SPATS2: variants seen among roughly 807,000 people sequenced by gnomAD.
SPATS2 encodes the protein spermatogenesis associated serine rich 2, also known as spermatogenesis-associated serine-rich protein 2.
In SPATS2, 38 loss-of-function variants were observed where a neutral mutation model predicts 63.7. The observed-to-expected ratio is 0.60, with a 90% confidence interval of 0.46 to 0.78. The LOEUF (loss-of-function observed/expected upper bound fraction) is 0.78, where lower values mean the gene tolerates loss of function less well. SPATS2 is among the 30% of genes least tolerant of loss of function. SPATS2 has a pLI of 0.00. For missense variants in SPATS2, 588 were observed against 666.2 expected, an observed-to-expected ratio of 0.88 and a Z score of 1.29; for synonymous variants, 207 against 232.9, an observed-to-expected ratio of 0.89 and a Z score of 1.01.
In SPATS2 at chr12:49,494,722, A is replaced by G. The variant is rs1411387073; in HGVS notation, c.265-19A>G. 1 of 1,488,380 alleles carries G rather than the reference A, an allele frequency of 6.7e-7. No homozygotes were observed. Among genetic ancestry groups the G allele is most frequent in the Non-Finnish European group, 8.9e-7 (1 of 1,119,930 alleles). 92.2% of individuals were successfully genotyped at this position (1,488,380 alleles called of 1,614,324 possible). ...TTTTCTTTCTTTTCTTTTCTTTTTC[A>G]AATTTTTAATAACTTTAGAACAAAA... On this transcript the variant is annotated intron_variant, in intron 6 of 13. Transcript: ENST00000552918.
At chr12:49,436,692 C>T (rs1945303322) in intron 2 of SPATS2, among the ~76,000 whole-genome samples, 4 of 136,100 alleles carry the variant, frequency 2.9e-5, no homozygotes, top group South Asian at 2.4e-4. Context: ...CGGGCAGAGG[C>T]GCCCCTCACC....
intron 2 of SPATS2, chr12:49,389,780 A>C (rs1336578403): frequency 3.3e-6 from 4 of 1,220,976 alleles, no homozygotes; most frequent in African/African-American, 3.0e-5. Flanking sequence ...AATTGCGTAC[A>C]TCCCTGGAAG....
Position 49,516,292 on chromosome 12 carries a change from C to T in SPATS2, c.898+1679C>T, listed in dbSNP as rs186783775. ...GAAGGATCACTTGAGCCCAGGAGGT[C>T]GAGGCTGCAGTGAGCTGTGATTGCA... On this transcript the variant is annotated intron_variant, in intron 10 of 13. Coordinates refer to ENST00000552918, the MANE Select transcript of SPATS2 (RefSeq NM_023071.4). Among the ~76,000 whole-genome samples the T allele has an allele frequency of 7.7e-3, 1,091 of 142,150 alleles. 10 individuals carry two copies. The highest frequency in any genetic ancestry group is 0.026 in the African/African-American group (1,022 of 38,844). The allele number at this position is 142,150 out of a possible 152,430, so 93.3% of individuals were successfully genotyped here.
Position 49,522,804 on chromosome 12 carries a change from C to T in SPATS2, c.1062C>T (p.Phe354=). Residue 354 remains phenylalanine, a synonymous_variant, in exon 12 of 14, where the codon TTC becomes TTT. Coordinates refer to ENST00000552918, the MANE Select transcript of SPATS2 (RefSeq NM_023071.4). ...YDEDLGRVAR[F]TCDVETLKKS... The stretch of plus-strand genomic sequence containing the variant: ...AGGATCTGGGACGAGTAGCCCGGTT[C>T]ACCTGTGATGTAGAGACCCTAAAGA... 1 of 1,613,794 alleles carries T rather than the reference C, an allele frequency of 6.2e-7. No homozygotes were observed. Among genetic ancestry groups the T allele is most frequent in the Non-Finnish European group, 8.5e-7 (1 of 1,179,836 alleles).
At chr12:49,372,943 TGTGTG>T (rs1565689352) in intron 2 of SPATS2, among the ~76,000 whole-genome samples, 9 of 17,142 alleles carry the variant, frequency 5.3e-4, no homozygotes, top group African/African-American at 4.7e-3. Flanking sequence ...TTCTGTTTTG[TGTGTG>T]TGTGTGTGTG....
chr12:49,394,811 C>G (rs989686303), intron 2 of SPATS2, among the ~76,000 whole-genome samples: 1 of 152,100 alleles, frequency 6.6e-6, no homozygotes, highest in African/African-American at 2.4e-5. Context: ...GTGCCTCACG[C>G]CTGTAATCCC....
chr12:49,392,299 G>C (rs779134363), intron 2 of SPATS2, among the ~76,000 whole-genome samples: 24 of 151,464 alleles, frequency 1.6e-4, no homozygotes, highest in Non-Finnish European at 2.4e-4. Flanking sequence ...TGTACTGCAT[G>C]GGAACCTATT....
intron 11 of SPATS2, 95 bp downstream of exon 11, chr12:49,519,277 T>C: frequency 1.1e-6 from 1 of 942,758 alleles, no homozygotes; most frequent in Non-Finnish European, 1.5e-6. Context: ...TATATTAAAC[T>C]CATGATCTTC....
intron 2 of SPATS2, chr12:49,389,860 G>T (rs1396989953): frequency 3.0e-5 from 25 of 845,470 alleles, no homozygotes; most frequent in Middle Eastern, 4.5e-4. Context: ...CTAATGGCTA[G>T]CAAAAAAGAT....
At chr12:49,476,269 G>A (rs534927699) in intron 3 of SPATS2, among the ~76,000 whole-genome samples, 1 of 152,102 alleles carries the variant, frequency 6.6e-6, no homozygotes, top group Non-Finnish European at 1.5e-5. Context: ...GTCACCAACC[G>A]GCAGAATGAC....
chr12:49,395,421 T>C (rs1366576511), intron 2 of SPATS2, among the ~76,000 whole-genome samples: 2 of 147,736 alleles, frequency 1.4e-5, no homozygotes, highest in Non-Finnish European at 3.0e-5. Context: ...TACCTTGTTT[T>C]TCAGATTTTT....
intron 4 of SPATS2, among the ~76,000 whole-genome samples, chr12:49,485,124 TG>T (rs1406259633): frequency 1.3e-5 from 2 of 150,956 alleles, no homozygotes; most frequent in African/African-American, 4.9e-5. Context: ...TGGAGTGCAG[TG>T]GCCGATCTGG....
intron 2 of SPATS2, among the ~76,000 whole-genome samples, chr12:49,397,326 T>C (rs1379942709): frequency 2.0e-5 from 3 of 152,192 alleles, no homozygotes; most frequent in Non-Finnish European, 4.4e-5. Context: ...GTAGGGACTT[T>C]GTCTTGCTCA....
chr12:49,413,347 C>A (rs1404897169), intron 2 of SPATS2, among the ~76,000 whole-genome samples: 1 of 152,004 alleles, frequency 6.6e-6, no homozygotes, highest in Non-Finnish European at 1.5e-5. Flanking sequence ...AGCATAGGGA[C>A]TTTATGGTAG....
At chr12:49,441,442 A>C (rs1392756375) in intron 2 of SPATS2, among the ~76,000 whole-genome samples, 1 of 152,044 alleles carries the variant, frequency 6.6e-6, no homozygotes, top group African/African-American at 2.4e-5. Context: ...ATAGCTTCCT[A>C]TTTTCTCCTT....
intron 3 of SPATS2, among the ~76,000 whole-genome samples, chr12:49,480,531 C>T (rs895459292): frequency 3.3e-5 from 5 of 152,020 alleles, no homozygotes; most frequent in Non-Finnish European, 5.9e-5. Context: ...GGGCAGGAAA[C>T]GTTTCTTGTT....
chr12:49,425,089 C>T (rs1386244660), intron 2 of SPATS2, among the ~76,000 whole-genome samples: 1 of 152,146 alleles, frequency 6.6e-6, no homozygotes, highest in Non-Finnish European at 1.5e-5. Context: ...GCATTAATTA[C>T]ACCCTGTGAT....
chr12:49,485,075 T>G (rs181657307), intron 4 of SPATS2, among the ~76,000 whole-genome samples: 1 of 151,804 alleles, frequency 6.6e-6, no homozygotes, highest in East Asian at 1.9e-4. Context: ...GTCTTTTTTT[T>G]TTTTTTTTTG....
At chr12:49,377,210 AT>A (rs1470031506) in intron 2 of SPATS2, among the ~76,000 whole-genome samples, 4 of 152,146 alleles carry the variant, frequency 2.6e-5, no homozygotes, top group Non-Finnish European at 4.4e-5. Context: ...GTATCTAGGA[AT>A]TTTAAAAGTT....
Sources: allele counts gnomAD v4.1 joint callset (sites outside exome capture counted in the v4.1 genomes callset), GRCh38; gene constraint gnomAD v4.1.1; transcripts MANE v1.5; gene names NCBI Gene and HGNC (gene_info 2026-07-23, HGNC 2026-07-21).